The following SMAD5 variants were observed in gnomAD, a reference collection of about 807,000 sequenced individuals.
The protein encoded by SMAD5 is SMAD family member 5.
In SMAD5, 9 loss-of-function variants were observed where a neutral mutation model predicts 43.1. The observed-to-expected ratio is 0.21, with a 90% CI of 0.13 to 0.36. The LOEUF (loss-of-function observed/expected upper bound fraction) is 0.36. Ranked by LOEUF, SMAD5 falls within the 10% of genes least tolerant of loss-of-function variation. The pLI is 1.00. For synonymous variants in SMAD5, 190 were observed against 192.4 expected, an observed-to-expected ratio of 0.99 and a Z score of 0.10; for missense variants, 348 against 574.0, an observed-to-expected ratio of 0.61 and a Z score of 4.02.
intron 1 of SMAD5, among the ~76,000 whole-genome samples, chr5:136,137,894 C>G (rs1044661453): frequency 4.6e-5 from 7 of 152,178 alleles, no homozygotes; most frequent in Non-Finnish European, 1.0e-4. Flanking sequence ...TCATAATGCA[C>G]TGTAATATAT....
Position 136,174,560 on chromosome 5 carries a change from A to G in SMAD5, c.1182A>G (p.Gln394=). 10 of 1,613,736 alleles carry G rather than the reference A, an allele frequency of 6.2e-6. No homozygotes were observed. Among genetic ancestry groups the G allele is most frequent in the East Asian group, 4.5e-5 (2 of 44,888 alleles). Residue 394 remains glutamine, a synonymous_variant, in exon 7 of 8, where the codon CAA becomes CAG. Transcript: ENST00000545279. ...AGGAGTTTGCTCAGCTTCTGGCTCA[A>G]TCTGTCAACCATGGGTTTGAGGCAG... ...NNQEFAQLLA[Q]SVNHGFEAVY...
At chr5:136,160,321 A>G (rs995635947) in intron 3 of SMAD5, among the ~76,000 whole-genome samples, 1 of 152,160 alleles carries the variant, frequency 6.6e-6, no homozygotes, top group Non-Finnish European at 1.5e-5. Context: ...TTTTTAGGGC[A>G]TTCACATAAC....
intron 3 of SMAD5, among the ~76,000 whole-genome samples, chr5:136,157,590 C>G (rs1345258088): frequency 6.6e-6 from 1 of 152,158 alleles, no homozygotes; most frequent in Non-Finnish European, 1.5e-5. Flanking sequence ...GACAGATCAT[C>G]AGGCATTAGA....
chr5:136,182,163 T>C lies in SMAD5; in HGVS notation c.*4683T>C, dbSNP rs143813560. 8 of 151,996 alleles carry C rather than the reference T, an allele frequency of 5.3e-5. No individual in the cohort carries two copies. Among genetic ancestry groups the C allele is most frequent in the Admixed American group, 4.6e-4 (7 of 15,266 alleles). The allele number at this position is 151,996 out of a possible 1,614,324, so 9.4% of individuals were successfully genotyped here. On this transcript the variant is annotated 3_prime_UTR_variant, in exon 8 of 8. Coordinates refer to ENST00000545279, the MANE Select transcript of SMAD5 (RefSeq NM_005903.7). ...TCCGTCCCTCATTAATAGTGCCTTC[T>C]TAATTAATACAGACTGGTGTTAGCT...
chr5:136,157,763 C>T (rs548152812), intron 3 of SMAD5, among the ~76,000 whole-genome samples: 30 of 152,266 alleles, frequency 2.0e-4, no homozygotes, highest in African/African-American at 6.7e-4. Flanking sequence ...AAGCTTCGCT[C>T]ACTCTCTCTC....
rs770155335 is a variant in SMAD5, at chr5:136,178,380, G to A, written c.*900G>A. The A allele has an allele frequency of 3.9e-5, 6 of 152,632 alleles. No homozygotes were observed. The highest frequency in any genetic ancestry group is 2.0e-4 in the Admixed American group (3 of 15,286). The allele number at this position is 152,632 out of a possible 1,614,324, so 9.5% of individuals were successfully genotyped here. ...ATAACCTTTGATAAAATACACTCAAGTGACTTGGACTTAGATGCTTATCCT... is the reference window on the plus strand; with the variant it reads ...ATAACCTTTGATAAAATACACTCAAATGACTTGGACTTAGATGCTTATCCT... On this transcript the variant is annotated 3_prime_UTR_variant, in exon 8 of 8. Transcript: ENST00000545279.
At chr5:136,169,109 G>T (rs1754126508) in intron 5 of SMAD5, among the ~76,000 whole-genome samples, 1 of 152,190 alleles carries the variant, frequency 6.6e-6, no homozygotes, top group South Asian at 2.1e-4. Context: ...TGACAGTGCA[G>T]CCTTCAGTCT....
intron 2 of SMAD5, among the ~76,000 whole-genome samples, chr5:136,152,464 A>G (rs10214039): frequency 0.36 from 54,025 of 152,024 alleles, 10,441 homozygotes; most frequent in African/African-American, 0.52. Flanking sequence ...TTCTGGAAAG[A>G]TGCACCCCAG....
intron 3 of SMAD5, among the ~76,000 whole-genome samples, chr5:136,158,726 C>A (rs971716410): frequency 2.0e-5 from 3 of 152,038 alleles, no homozygotes; most frequent in Non-Finnish European, 4.4e-5. Context: ...GGTGAAACCC[C>A]GTCTCTACTA....
Position 136,172,615 on chromosome 5 carries a change from T to C in SMAD5, c.957T>C (p.Arg319=). 1 of 1,612,726 alleles carries C rather than the reference T, an allele frequency of 6.2e-7. No homozygotes were observed. Among genetic ancestry groups the C allele is most frequent in the Non-Finnish European group, 8.5e-7 (1 of 1,178,766 alleles). The change falls in exon 6 of 8, where the codon CGT becomes CGC. Residue 319 remains arginine (R), a synonymous_variant. Coordinates refer to ENST00000545279, the MANE Select transcript of SMAD5 (RefSeq NM_005903.7). ...TGGGTTTGTTGTCAAATGTTAATCGTAATTCGACAATTGAAAACACTAGGC... is the reference window on the plus strand; with the variant it reads ...TGGGTTTGTTGTCAAATGTTAATCGCAATTCGACAATTGAAAACACTAGGC... ...FCLGLLSNVN[R]NSTIENTRRH... is the part of the protein sequence containing the mutation.
Position 136,177,378 on chromosome 5 carries a change from C to T in SMAD5, c.1296C>T (p.Thr432=). The change falls in exon 8 of 8, where the codon ACC becomes ACT. Residue 432 remains threonine, a synonymous_variant. Transcript: ENST00000545279. The part of the protein sequence containing the change: ...AEYHRQDVTS[T]PCWIEIHLHG... ...ATCACCGGCAGGATGTAACCAGCAC[C>T]CCATGTTGGATTGAGATTCATCTTC... 1 of 1,613,150 alleles carries T rather than the reference C, an allele frequency of 6.2e-7. No homozygotes were observed. The highest frequency in any genetic ancestry group is 8.5e-7 in the Non-Finnish European group (1 of 1,179,332).
chr5:136,173,627 G>A (rs1754300431), intron 6 of SMAD5, among the ~76,000 whole-genome samples: 1 of 151,522 alleles, frequency 6.6e-6, no homozygotes, highest in South Asian at 2.1e-4. Context: ...TCTATTTTGT[G>A]AATTTTGAAA....
At chr5:136,151,833 A>G (rs1753477622) in intron 2 of SMAD5, among the ~76,000 whole-genome samples, 1 of 151,876 alleles carries the variant, frequency 6.6e-6, no homozygotes, top group Non-Finnish European at 1.5e-5. Context: ...TTTGCCTTTG[A>G]CATTTCCCAT....
intron 1 of SMAD5, among the ~76,000 whole-genome samples, chr5:136,147,047 T>C (rs1753281249): frequency 1.3e-5 from 2 of 151,590 alleles, no homozygotes; most frequent in Admixed American, 6.6e-5. Context: ...AATGGTATGA[T>C]TATAGGTGAG....
intron 3 of SMAD5, among the ~76,000 whole-genome samples, chr5:136,155,591 T>G (rs990097873): frequency 2.0e-5 from 3 of 152,184 alleles, no homozygotes; most frequent in African/African-American, 7.2e-5. Context: ...TCTGTAAGAC[T>G]CTGTATGACC....
chr5:136,152,021 C>A (rs757381404), intron 2 of SMAD5, among the ~76,000 whole-genome samples: 8 of 152,090 alleles, frequency 5.3e-5, no homozygotes, highest in Non-Finnish European at 1.2e-4. Flanking sequence ...TTATATCTCT[C>A]TATTTTAATG....
At chr5:136,164,821 GTTTTA>G (rs1753942676) in intron 5 of SMAD5, among the ~76,000 whole-genome samples, 4 of 152,082 alleles carry the variant, frequency 2.6e-5, no homozygotes, top group Admixed American at 2.6e-4. Flanking sequence ...ATTATTTTAT[GTTTTA>G]TTTTAGAAGT....
Position 136,172,407 on chromosome 5 carries a change from CTCTT to C in SMAD5, c.776-23_776-20del, listed in dbSNP as rs773953454. The C allele has an allele frequency of 2.0e-5, 27 of 1,374,314 alleles. No individual in the cohort carries two copies. The East Asian group carries it at 2.8e-4, about 14-fold the overall frequency. 85.1% of individuals were successfully genotyped at this position (1,374,314 alleles called of 1,614,324 possible). A position where few individuals can be genotyped will look rare whatever the true frequency, so the allele number is the denominator to read the frequency against. On this transcript the variant is annotated intron_variant, in intron 5 of 7. Coordinates refer to ENST00000545279, the MANE Select transcript of SMAD5 (RefSeq NM_005903.7). ...ATCTGAGTTTCTGATATGTATTAAA[CTCTT>C]TCTGTGTCTGGTTTGTTCACAGATG... is the stretch of plus-strand genomic sequence containing the variant.
chr5:136,141,549 T>C (rs917480718), intron 1 of SMAD5, among the ~76,000 whole-genome samples: 2 of 152,204 alleles, frequency 1.3e-5, no homozygotes, highest in African/African-American at 4.8e-5. Flanking sequence ...TGTATGGGAC[T>C]TAGAAAAAGG....
Sources: gnomAD v4.1 joint callset for allele counts (sites outside exome capture counted in the v4.1 genomes callset) on GRCh38, gnomAD v4.1.1 for gene constraint, MANE v1.5 for transcripts, NCBI Gene and HGNC (gene_info 2026-07-23, HGNC 2026-07-21) for gene names.